Variants in KIN observed in about 807,000 individuals in gnomAD.
KIN encodes the protein Kin17 DNA and RNA binding protein, also known as DNA/RNA-binding protein KIN17.
KIN carries 47 observed loss-of-function variants against 63.0 expected under a neutral mutation model. The ratio of observed to expected loss-of-function variants is 0.75; its 90% CI spans 0.59 to 0.95. The LOEUF (loss-of-function observed/expected upper bound fraction) is 0.95, where lower values mean the gene tolerates loss of function less well. Ranked by LOEUF, KIN falls within the 40% of genes least tolerant of loss-of-function variation. KIN has a pLI of 0.00. For missense variants in KIN, 408 were observed against 460.9 expected, an observed-to-expected ratio of 0.89 and a Z score of 1.05; for synonymous variants, 160 against 157.7, an observed-to-expected ratio of 1.01 and a Z score of -0.11.
intron 5 of KIN, among the ~76,000 whole-genome samples, chr10:7,777,301 G>A (rs141552292): frequency 2.7e-5 from 4 of 150,120 alleles, no homozygotes; most frequent in South Asian, 2.1e-4. Flanking sequence ...ATAATCAATC[G>A]TGGTATACTG....
chr10:7,780,239 T>C (rs993163919), intron 3 of KIN, 25 bp downstream of exon 3: 1 of 1,610,480 alleles, frequency 6.2e-7, no homozygotes, highest in African/African-American at 1.3e-5. Context: ...AAAGCTGTTA[T>C]TTGCACAATA....
intron 7 of KIN, among the ~76,000 whole-genome samples, chr10:7,772,918 G>A (rs1291923905): frequency 6.6e-6 from 1 of 152,206 alleles, no homozygotes; most frequent in African/African-American, 2.4e-5. Context: ...CTTTGCAAAT[G>A]AGAGTAAGTT....
intron 5 of KIN, 105 bp from the exon 6 acceptor site, chr10:7,775,904 T>A: frequency 1.6e-6 from 1 of 628,476 alleles, no homozygotes; most frequent in African/African-American, 1.9e-5. Context: ...GCAGCTCTAA[T>A]ACGCAAGTGA....
At chr10:7,779,083 G>C in intron 4 of KIN, 64 bp from the exon 5 acceptor site, 6 of 1,537,582 alleles carry the variant, frequency 3.9e-6, no homozygotes, top group Non-Finnish European at 4.4e-6. Context: ...ATATGAATGT[G>C]TTTCACCTCT....
Position 7,778,926 on chromosome 10 carries a change from T to C in KIN, c.470A>G (p.Lys157Arg), listed in dbSNP as rs1158387568. 6.2e-7 allele frequency: 1 copy of C among 1,614,182 alleles called. No individual in the cohort carries two copies. Among genetic ancestry groups the C allele is most frequent in the Non-Finnish European group, 8.5e-7 (1 of 1,180,046 alleles). The change falls in exon 5 of 13, where the codon AAA (lysine) becomes AGA (arginine). Residue 157 changes from lysine to arginine, a missense_variant. By Grantham distance (26) the Lys-to-Arg change is conservative. This residue lies in a region of KIN where 298 missense variants were observed against 296.0 expected (regional missense o/e 1.01). Transcript: ENST00000379562. ...ETIRRQLELE[K>R]KKKQDLDDEE... Reference sequence around the variant, plus strand: ...ATCATCAAGGTCCTGCTTTTTCTTTTTCTCCAGTTCCAGTTGCCGGCGGAT... The same window carrying C: ...ATCATCAAGGTCCTGCTTTTTCTTTCTCTCCAGTTCCAGTTGCCGGCGGAT...
At chr10:7,776,785 C>T (rs1391881722) in intron 5 of KIN, among the ~76,000 whole-genome samples, 1 of 149,526 alleles carries the variant, frequency 6.7e-6, no homozygotes, top group Non-Finnish European at 1.5e-5. Context: ...CATGGTGGCT[C>T]ATGCCTATAA....
intron 1 of KIN, among the ~76,000 whole-genome samples, chr10:7,786,353 T>A (rs1383668433): frequency 1.3e-5 from 2 of 152,240 alleles, no homozygotes; most frequent in Non-Finnish European, 2.9e-5. Context: ...ATTTAAGTAT[T>A]TAAAGGTGAA....
intron 5 of KIN, among the ~76,000 whole-genome samples, chr10:7,776,737 A>C (rs1835783505): frequency 7.2e-6 from 1 of 139,454 alleles, no homozygotes; most frequent in Non-Finnish European, 1.6e-5. Context: ...TGTCTCAAAA[A>C]AAAAAAAAAA....
intron 7 of KIN, among the ~76,000 whole-genome samples, chr10:7,771,892 T>C (rs1240056014): frequency 9.3e-6 from 1 of 107,698 alleles, no homozygotes; most frequent in Non-Finnish European, 1.9e-5. Context: ...CGAAATTCCG[T>C]CTCAAAAAAA....
At chr10:7,782,371 T>G (rs1020489927) in intron 2 of KIN, among the ~76,000 whole-genome samples, 1 of 151,808 alleles carries the variant, frequency 6.6e-6, no homozygotes, top group Admixed American at 6.6e-5. Flanking sequence ...GGATCAGCAA[T>G]ACTTAGAAGA....
chr10:7,778,981 T>C lies in KIN; in HGVS notation c.415A>G (p.Ile139Val). The C allele has an allele frequency of 6.2e-7, 1 of 1,613,908 alleles. No homozygotes were observed. Among genetic ancestry groups the C allele is most frequent in the Non-Finnish European group, 8.5e-7 (1 of 1,179,986 alleles). ...KVDETPKGWY[I>V]QYIDRDPETI... ...TCTGGGTCCCTGTCTATGTACTGAA[T>C]ATACCAGCCTTTTGGTGTCTCGTCC... Residue 139 changes from isoleucine (I) to valine (V), a missense_variant, in exon 5 of 13, where the codon ATT becomes GTT. This residue lies in a region of KIN where 298 missense variants were observed against 296.0 expected (regional missense o/e 1.01). Transcript: ENST00000379562.
chr10:7,769,012 A>G (rs1421893411), intron 8 of KIN, among the ~76,000 whole-genome samples: 1 of 152,164 alleles, frequency 6.6e-6, no homozygotes, highest in Non-Finnish European at 1.5e-5. Context: ...GTGAGACTCC[A>G]TCTCAAAAAA....
chr10:7,775,699 CA>C, intron 6 of KIN, 51 bp downstream of exon 6: 1 of 952,860 alleles, frequency 1.0e-6, no homozygotes, highest in South Asian at 1.6e-5. Context: ...TTAACAAAGC[CA>C]ATATAAAAGC....
chr10:7,756,138 G>A lies in KIN; in HGVS notation c.1124C>T (p.Pro375Leu). The stretch of plus-strand genomic sequence containing the variant: ...TCCTTCAACTCTGCGTCCTTTTAAA[G>A]GGCCCTACAAATTAAAATAATTTAA... ...FSATIVIETG[P>L]LKGRRVEGIQ... is the part of the protein sequence containing the mutation. The change falls in exon 13 of 13, where the codon CCT becomes CTT. Residue 375 changes from proline to leucine, a missense_variant. Pro to Leu is a moderately conservative substitution (Grantham distance 98). Transcript: ENST00000379562. 1.3e-6 allele frequency: 2 copies of A among 1,565,488 alleles called. No individual in the cohort carries two copies. Among genetic ancestry groups the A allele is most frequent in the Non-Finnish European group, 8.7e-7 (1 of 1,151,560 alleles).
In KIN at chr10:7,787,915, G is replaced by C. The variant is rs770083886; in HGVS notation, c.19C>G (p.Leu7Val). The change falls in exon 1 of 13, where the codon CTT (leucine) becomes GTT (valine). Residue 7 changes from leucine (L) to valine (V), a missense_variant. Coordinates refer to ENST00000379562, the MANE Select transcript of KIN (RefSeq NM_012311.4). ...CTGTTGGCGATAGCCTTGGGAGTAA[G>C]AAAATCCGACTTCCCCATGGCGACC... MGKSDF[L>V]TPKAIANRIK... is the part of the protein sequence containing the mutation. 6.2e-7 allele frequency: 1 copy of C among 1,613,926 alleles called. No individual in the cohort carries two copies. The highest frequency in any genetic ancestry group is 8.5e-7 in the Non-Finnish European group (1 of 1,179,748).
chr10:7,779,100 T>G (rs1164371581), intron 4 of KIN, 81 bp from the exon 5 acceptor site: 1 of 1,503,826 alleles, frequency 6.6e-7, no homozygotes, highest in East Asian at 2.3e-5. Flanking sequence ...CTCTGCATAT[T>G]TATTCATTCA....
chr10:7,768,860 T>C (rs1399215656), intron 8 of KIN, among the ~76,000 whole-genome samples: 3 of 151,854 alleles, frequency 2.0e-5, no homozygotes, highest in South Asian at 4.2e-4. Context: ...CTACTAAAAA[T>C]ACAAAAATTA....
intron 2 of KIN, among the ~76,000 whole-genome samples, 199 bp from the exon 3 acceptor site, chr10:7,780,506 T>C (rs552925434): frequency 1.3e-5 from 2 of 152,272 alleles, no homozygotes; most frequent in South Asian, 4.2e-4. Flanking sequence ...GTGATTCTCT[T>C]GCCTCAGCCT....
Position 7,781,920 on chromosome 10 carries a change from T to C in KIN, c.209+1161A>G, listed in dbSNP as rs184346806. ...AAAAATATAAAAAATTAGCGGAGCG[T>C]GGTGGCGCATGCCTGTAATCCCAGC... On this transcript the variant is annotated intron_variant, in intron 2 of 12. Coordinates refer to ENST00000379562, the MANE Select transcript of KIN (RefSeq NM_012311.4). Among the ~76,000 whole-genome samples, 350 of 152,042 alleles carry C rather than the reference T, an allele frequency of 2.3e-3. 1 individual carries two copies. The highest frequency in any genetic ancestry group is 8.1e-3 in the African/African-American group (335 of 41,484).
Sources: gnomAD v4.1 joint callset for allele counts (sites outside exome capture counted in the v4.1 genomes callset) on GRCh38, gnomAD v4.1.1 for gene constraint, gnomAD v4.1.1 regional missense constraint, MANE v1.5 for transcripts, NCBI Gene and HGNC (gene_info 2026-07-23, HGNC 2026-07-21) for gene names.